The following GFI1B variants were observed in gnomAD, a reference collection of about 807,000 sequenced individuals.
The protein encoded by GFI1B is growth factor independent 1B transcriptional repressor.
Under a neutral mutation model 35.3 loss-of-function variants are expected in GFI1B, and 20 were observed. The ratio of observed to expected loss-of-function variants is 0.57; its 90% CI spans 0.40 to 0.82. The LOEUF is 0.82. Ranked by LOEUF, GFI1B falls within the 40% of genes least tolerant of loss-of-function variation. GFI1B has a pLI of 0.00. For synonymous variants in GFI1B, 178 were observed against 177.6 expected (o/e 1.00, Z -0.02); for missense variants, 430 against 446.3 (o/e 0.96, Z 0.33).
intron 4 of GFI1B, among the ~76,000 whole-genome samples, 163 bp downstream of exon 4, chr9:132,988,631 C>T (rs75800528): frequency 7.2e-5 from 11 of 152,278 alleles, no homozygotes; most frequent in African/African-American, 2.6e-4. Flanking sequence ...GCTCTGACCA[C>T]GTGCCTGGCC....
At chr9:132,951,470 T>A (rs1848201114) in intron 1 of GFI1B, 1 of 152,272 alleles carries the variant, frequency 6.6e-6, no homozygotes, top group South Asian at 2.1e-4. Context: ...CAAAGCAGTC[T>A]GAGACTCTTC....
intron 2 of GFI1B, among the ~76,000 whole-genome samples, chr9:132,973,692 G>C (rs190652970): frequency 1.6e-4 from 24 of 152,302 alleles, no homozygotes; most frequent in African/African-American, 4.3e-4. Flanking sequence ...CAGACAAGGG[G>C]AACAGGTGAG....
In GFI1B at chr9:132,956,824, A is replaced by G. The variant is rs76815390; in HGVS notation, c.-701+11155A>G. 4.1e-3 allele frequency among the ~76,000 whole-genome samples: 618 copies of G among 152,302 alleles called. 1 individual carries two copies. Among genetic ancestry groups the G allele is most frequent in the Middle Eastern group, 0.02 (6 of 294 alleles). On this transcript the variant is annotated intron_variant, in intron 1 of 10. Coordinates refer to the GFI1B transcript ENST00000339463. ...GTCCTGTGGCTCAGGGCCCCTCACA[A>G]GGCTGCAGTCTAGATGTCAGCTGGT...
rs897836058 is a variant in GFI1B, at chr9:132,991,317, C to T, written c.*267C>T. 3.4e-5 allele frequency: 18 copies of T among 523,740 alleles called. No individual in the cohort carries two copies. The highest frequency in any genetic ancestry group is 5.6e-5 in the Non-Finnish European group (16 of 287,762). 32.4% of individuals were successfully genotyped at this position (523,740 alleles called of 1,614,324 possible). ...TCCAGGTGTGCTCAAGTGCCTTCCTCTAGCAGAGCACAGAAAGCTAGAATA... is the reference window on the plus strand; with the variant it reads ...TCCAGGTGTGCTCAAGTGCCTTCCTTTAGCAGAGCACAGAAAGCTAGAATA... On this transcript the variant is annotated 3_prime_UTR_variant, in exon 7 of 7. Transcript: ENST00000372122.
intron 1 of GFI1B, among the ~76,000 whole-genome samples, chr9:132,970,864 G>A (rs1007067898): frequency 3.9e-5 from 6 of 151,998 alleles, no homozygotes; most frequent in South Asian, 2.1e-4. Flanking sequence ...TTTATGGGGC[G>A]GTAACCAAAT....
intron 1 of GFI1B, chr9:132,952,717 C>A (rs1848220134): frequency 6.6e-6 from 1 of 152,198 alleles, no homozygotes; most frequent in African/African-American, 2.4e-5. Flanking sequence ...GGCATCTATT[C>A]ATTATTCCCA....
intron 1 of GFI1B, chr9:132,963,598 C>A (rs978605168): frequency 6.6e-6 from 1 of 151,958 alleles, no homozygotes; most frequent in Non-Finnish European, 1.5e-5. Flanking sequence ...GGTGATCCAG[C>A]CACCTTAGCC....
At chr9:132,988,020 T>A (rs1350681572) in intron 3 of GFI1B, among the ~76,000 whole-genome samples, 177 bp from the exon 4 acceptor site, 1 of 152,074 alleles carries the variant, frequency 6.6e-6, no homozygotes, top group Non-Finnish European at 1.5e-5. Flanking sequence ...AATTTTTGTA[T>A]TTTTTGGTAG....
At position 132,987,190 on chromosome 9, in the gene GFI1B, C is replaced by T. The variant is rs1564177611; in HGVS notation, c.101-92C>T. ...GCGGCACGTGGCTGTCTCTCTGGGCCTCCTCCTCCTAGGAAGGGCGTGCCC... is the reference window on the plus strand; with the variant it reads ...GCGGCACGTGGCTGTCTCTCTGGGCTTCCTCCTCCTAGGAAGGGCGTGCCC... On this transcript the variant is annotated intron_variant, in intron 2 of 6. Coordinates refer to ENST00000372122, the MANE Select transcript of GFI1B (RefSeq NM_001377304.1). 5.2e-6 allele frequency: 7 copies of T among 1,355,930 alleles called. No homozygotes were observed. The South Asian group carries it at 6.2e-5, about 12-fold the overall frequency. The allele number at this position is 1,355,930 out of a possible 1,614,324, so 84.0% of individuals were successfully genotyped here.
chr9:132,987,227 T>G, intron 2 of GFI1B, 55 bp from the exon 3 acceptor site: 1 of 1,589,760 alleles, frequency 6.3e-7, no homozygotes, highest in African/African-American at 1.3e-5. Context: ...CCTTGCTCCC[T>G]CTGGGCTTCC....
chr9:132,985,505 C>G (rs1362037491), intron 1 of GFI1B, among the ~76,000 whole-genome samples: 1 of 152,156 alleles, frequency 6.6e-6, no homozygotes, highest in Admixed American at 6.5e-5. Context: ...TCTTGAGTCC[C>G]CACACCCCAC....
chr9:132,980,444 G>T (rs1477377445), intron 1 of GFI1B, among the ~76,000 whole-genome samples: 1 of 152,238 alleles, frequency 6.6e-6, no homozygotes, highest in Non-Finnish European at 1.5e-5. Context: ...GCCAATGGGA[G>T]CTGCTTTAGT....
chr9:132,989,268 GC>G lies in GFI1B; in HGVS notation c.648+71del, dbSNP rs1849199844. ...CTGTGCTTCCCCAGGGAGCCTGGGG[GC>G]TGTGGCTGGGTCCCTCCCCCTGCCC... On this transcript the variant is annotated intron_variant, in intron 5 of 6. Coordinates refer to ENST00000372122, the MANE Select transcript of GFI1B (RefSeq NM_001377304.1). The surrounding 1 kb of genome is among the most constrained non-coding windows in gnomAD (Gnocchi z 6.2). 2 of 1,480,006 alleles carry G rather than the reference GC, an allele frequency of 1.4e-6. No individual in the cohort carries two copies. The highest frequency in any genetic ancestry group is 1.1e-5 in the South Asian group (1 of 88,382). The allele number at this position is 1,480,006 out of a possible 1,614,324, so 91.7% of individuals were successfully genotyped here. A position where few individuals can be genotyped will look rare whatever the true frequency, so the allele number is the denominator to read the frequency against.
At chr9:132,969,357 G>A (rs1300882110) in intron 1 of GFI1B, among the ~76,000 whole-genome samples, 2 of 152,110 alleles carry the variant, frequency 1.3e-5, no homozygotes, top group African/African-American at 4.8e-5. Context: ...ACTACTCTAG[G>A]TAACTCAGGT....
chr9:132,956,622 A>G (rs1848287347), intron 1 of GFI1B, among the ~76,000 whole-genome samples: 1 of 152,232 alleles, frequency 6.6e-6, no homozygotes, highest in African/African-American at 2.4e-5. Flanking sequence ...AAAATAACAC[A>G]TATATTTCAG....
upstream of GFI1B, among the ~76,000 whole-genome samples, chr9:132,977,997 G>T (rs1357487525): frequency 6.6e-6 from 1 of 152,002 alleles, no homozygotes. Context: ...TCTGAGATAT[G>T]ACCTCTGCAA....
In GFI1B at chr9:132,989,754, G is replaced by C. The variant is rs142322678; in HGVS notation, c.661G>C (p.Glu221Gln). 2 of 1,613,826 alleles carry C rather than the reference G, an allele frequency of 1.2e-6. No individual in the cohort carries two copies. Among genetic ancestry groups the C allele is most frequent in the Non-Finnish European group, 1.7e-6 (2 of 1,179,710 alleles). The change falls in exon 6 of 7, where the codon GAG (glutamate) becomes CAG (glutamine). Residue 221 changes from glutamate (E) to glutamine (Q), a missense_variant. Physicochemically the swap from Glu to Gln is conservative, Grantham distance 29 (BLOSUM62 2). Transcript: ENST00000372122. This position sits in a 1 kb window ranked among gnomAD's most constrained non-coding sequence, Gnocchi z 6.2. ...TTTCCTCCGGCAGGAGCGCAGCTTCGAGTGCCGCATGTGCGGCAAGGCCTT... is the reference window on the plus strand; with the variant it reads ...TTTCCTCCGGCAGGAGCGCAGCTTCCAGTGCCGCATGTGCGGCAAGGCCTT... ...THVHSQERSFECRMCGKAFKR... is the reference protein window; with the variant it reads ...THVHSQERSFQCRMCGKAFKR...
At chr9:132,956,050 C>T (rs1324590414) in intron 1 of GFI1B, among the ~76,000 whole-genome samples, 9 of 152,162 alleles carry the variant, frequency 5.9e-5, no homozygotes, top group Non-Finnish European at 1.2e-4. Context: ...GGAAGGCAAT[C>T]TGCTTTACTG....
chr9:132,955,723 G>A (rs747513017), intron 1 of GFI1B, among the ~76,000 whole-genome samples: 1 of 151,780 alleles, frequency 6.6e-6, no homozygotes, highest in Non-Finnish European at 1.5e-5. Flanking sequence ...TAAACGGATT[G>A]GTTGATTGAT....
Sources: allele counts gnomAD v4.1 joint callset (sites outside exome capture counted in the v4.1 genomes callset), GRCh38; gene constraint gnomAD v4.1.1; non-coding constraint Gnocchi (gnomAD v3.1); transcripts MANE v1.5; gene names NCBI Gene and HGNC (gene_info 2026-07-23, HGNC 2026-07-21).